FCRLB: variants seen among roughly 807,000 people sequenced by gnomAD.
FCRLB encodes Fc receptor like B, also known as Fc receptor-like B.
Under a neutral mutation model 33.6 loss-of-function variants are expected in FCRLB, and 34 were observed. That is an observed-to-expected ratio of 1.01 (90% CI 0.77 to 1.35). The LOEUF (loss-of-function observed/expected upper bound fraction) is 1.35, where lower values mean the gene tolerates loss of function less well. Ranked by LOEUF, FCRLB falls within the 40% of genes most tolerant of loss-of-function variation. FCRLB has a pLI of 0.00. For missense variants in FCRLB, 560 were observed against 580.2 expected, an observed-to-expected ratio of 0.97 and a Z score of 0.36; for synonymous variants, 280 against 255.9, an observed-to-expected ratio of 1.09 and a Z score of -0.90.
rs1359071731 is a variant in FCRLB at position 161,727,546 on chromosome 1, G to A, written c.1165G>A (p.Val389Ile). The A allele has an allele frequency of 1.9e-6, 3 of 1,614,198 alleles. No individual in the cohort carries two copies. In the South Asian group the frequency reaches 3.3e-5, roughly 18 times the overall value. The change falls in exon 8 of 8, where the codon GTC becomes ATC. Residue 389 changes from valine to isoleucine, a missense_variant. Coordinates refer to ENST00000367948, the Ensembl canonical transcript of FCRLB. ...GCTCAAAGGCCTTCTGAGCCGGGTG[G>A]TCCTGGAATTAAAGGAGCCACAGGC...
chr1:161,727,754 C>T, exon 8 of FCRLB: 1 of 1,432,316 alleles, frequency 7.0e-7, no homozygotes, highest in Non-Finnish European at 9.3e-7. Flanking sequence ...CTGTTTGCAT[C>T]CTTGTGTTTT....
Position 161,726,318 on chromosome 1 carries a change from T to A in FCRLB, c.574+231T>A. 1 of 815,092 alleles carries A rather than the reference T, an allele frequency of 1.2e-6. No homozygotes were observed. The highest frequency in any genetic ancestry group is 2.7e-5 in the East Asian group (1 of 37,246). 50.5% of individuals were successfully genotyped at this position (815,092 alleles called of 1,614,324 possible). A position where few individuals can be genotyped will look rare whatever the true frequency, so the allele number is the denominator to read the frequency against. On this transcript the variant is annotated intron_variant, in intron 6 of 7. Coordinates refer to ENST00000367948, the Ensembl canonical transcript of FCRLB. The surrounding 1 kb of genome is among the most constrained non-coding windows in gnomAD (Gnocchi z 5.2). ...GCACATCCTGGCTTCTCACTCTGGC[T>A]GGGGACTCCCACAGAGAGGGCAGCT...
At chr1:161,725,744 T>C in intron 5 of FCRLB, 77 bp from the exon 6 acceptor site, 1 of 1,510,628 alleles carries the variant, frequency 6.6e-7, no homozygotes, top group Admixed American at 2.1e-5. Flanking sequence ...AGGAGAAAGC[T>C]GGAAGGCTGT....
At chr1:161,727,064 G>C in intron 7 of FCRLB, 71 bp downstream of exon 7, 1 of 1,408,894 alleles carries the variant, frequency 7.1e-7, no homozygotes, top group Non-Finnish European at 9.2e-7. Flanking sequence ...CGGCACCCAC[G>C]AATCACCCCC....
In FCRLB at chr1:161,726,948, C is replaced by A. The variant is rs867232552; in HGVS notation, c.820C>A (p.Arg274Ser). 1 of 1,551,240 alleles carries A rather than the reference C, an allele frequency of 6.4e-7. No individual in the cohort carries two copies. Among genetic ancestry groups the A allele is most frequent in the Non-Finnish European group, 8.7e-7 (1 of 1,147,534 alleles). Residue 274 changes from arginine to serine, a missense_variant, in exon 7 of 8, where the codon CGC (arginine) becomes AGC (serine). Arg to Ser is a moderately radical substitution (Grantham distance 110). Transcript: ENST00000367948. The surrounding 1 kb of genome is among the most constrained non-coding windows in gnomAD (Gnocchi z 5.2). Reference sequence around the variant, plus strand: ...CTGGTGCGAGGCGGCTACCGCCACCCGCAGTGTCCGGAAACGCAGTCCGTG... The same window carrying A: ...CTGGTGCGAGGCGGCTACCGCCACCAGCAGTGTCCGGAAACGCAGTCCGTG...
Position 161,726,512 on chromosome 1 carries a change from C to CG in FCRLB, c.575-190dup. 1.2e-6 allele frequency: 1 copy of CG among 831,166 alleles called. No homozygotes were observed. The highest frequency in any genetic ancestry group is 1.4e-5 in the South Asian group (1 of 69,282). 51.5% of individuals were successfully genotyped at this position (831,166 alleles called of 1,614,324 possible). On this transcript the variant is annotated intron_variant, in intron 6 of 7. Coordinates refer to ENST00000367948, the Ensembl canonical transcript of FCRLB. The surrounding 1 kb of genome is among the most constrained non-coding windows in gnomAD (Gnocchi z 5.2). ...GTCCCTCTTCCTTTCAAGCTTTCCC[C>CG]GTCCCTCGTGGACTCGGTCCCCCTG... is the stretch of plus-strand genomic sequence containing the variant.
chr1:161,727,376 G>T (rs986101792), exon 8 of FCRLB: 27 of 1,613,580 alleles, frequency 1.7e-5, no homozygotes, highest in Non-Finnish European at 2.2e-5. Flanking sequence ...ACCTCCGTCC[G>T]GAACACCACC....
At chr1:161,727,169 CG>C in intron 7 of FCRLB, 77 bp from the exon 8 acceptor site, 8 of 1,445,454 alleles carry the variant, frequency 5.5e-6, no homozygotes, top group Non-Finnish European at 7.3e-6. Context: ...CCCCGCCCAC[CG>C]CCCTACGCCC....
rs753402437 is a variant in FCRLB, at chr1:161,726,794, C to A, written c.666C>A (p.Arg222=). The A allele has an allele frequency of 6.4e-7, 1 of 1,564,822 alleles. No individual in the cohort carries two copies. The highest frequency in any genetic ancestry group is 2.3e-5 in the East Asian group (1 of 42,852). The change falls in exon 7 of 8, where the codon CGC becomes CGA. Residue 222 remains arginine (R), a synonymous_variant. Coordinates refer to ENST00000367948, the Ensembl canonical transcript of FCRLB. The surrounding 1 kb of genome is among the most constrained non-coding windows in gnomAD (Gnocchi z 5.2). ...GGGTGGTGCTGCGCTGCGACACGCG[C>A]CTGCACCCGCAGAAGCGCGACACGC... is the stretch of plus-strand genomic sequence containing the variant.
At chr1:161,727,745 T>C in exon 8 of FCRLB, 2 of 1,451,174 alleles carry the variant, frequency 1.4e-6, no homozygotes, top group Non-Finnish European at 1.8e-6. Flanking sequence ...CAAAGCCATC[T>C]GTTTGCATCC....
At chr1:161,727,934 C>T (rs2101682237) in exon 8 of FCRLB, 1 of 420,048 alleles carries the variant, frequency 2.4e-6, no homozygotes, top group South Asian at 3.9e-5. Context: ...ATTTAGTCAC[C>T]CTTAGCCCTT....
chr1:161,725,442 A>G (rs1462281924), intron 5 of FCRLB, among the ~76,000 whole-genome samples: 3 of 152,142 alleles, frequency 2.0e-5, no homozygotes, highest in African/African-American at 7.2e-5. Context: ...GGAGTTCAAG[A>G]CCAGCCTGGC....
chr1:161,724,758 T>G (rs1288428021), intron 5 of FCRLB, among the ~76,000 whole-genome samples: 1 of 152,194 alleles, frequency 6.6e-6, no homozygotes, highest in Non-Finnish European at 1.5e-5. Context: ...CTTGCAGGAT[T>G]CTTTCTCAAT....
intron 5 of FCRLB, 86 bp downstream of exon 5, chr1:161,723,707 T>A: frequency 6.5e-7 from 1 of 1,544,800 alleles, no homozygotes; most frequent in Non-Finnish European, 8.7e-7. Flanking sequence ...ACTGGGCCAA[T>A]CCCAAGGTGC....
rs775708600 is a variant in FCRLB, at chr1:161,726,239, C to G, written c.574+152C>G. On this transcript the variant is annotated intron_variant, in intron 6 of 7. Transcript: ENST00000367948. The surrounding 1 kb of genome is among the most constrained non-coding windows in gnomAD (Gnocchi z 5.2). ...ATGGACGCTGTCTCCTCTCCTTTGC[C>G]GTGAAGCAGCGCTTGATCCGCCGCC... 5 of 1,307,656 alleles carry G rather than the reference C, an allele frequency of 3.8e-6. No individual in the cohort carries two copies. Among genetic ancestry groups the G allele is most frequent in the South Asian group, 1.2e-5 (1 of 80,170 alleles). 81.0% of individuals were successfully genotyped at this position (1,307,656 alleles called of 1,614,324 possible).
At chr1:161,723,543 G>A in exon 5 of FCRLB, 1 of 1,614,172 alleles carries the variant, frequency 6.2e-7, no homozygotes, top group Non-Finnish European at 8.5e-7. Flanking sequence ...GAGCATTGAG[G>A]TGCAGACACC....
Position 161,726,561 on chromosome 1 carries a change from T to C in FCRLB, c.575-142T>C, listed in dbSNP as rs1317112614. The C allele has an allele frequency of 3.4e-6, 4 of 1,184,804 alleles. No homozygotes were observed. The highest frequency in any genetic ancestry group is 4.8e-6 in the Non-Finnish European group (4 of 827,366). The allele number at this position is 1,184,804 out of a possible 1,614,324, so 73.4% of individuals were successfully genotyped here. ...TGCCCCACATTTCAGAAGGCTCCCC[T>C]TCCCCCTCCACGTGGACACACGGCC... On this transcript the variant is annotated intron_variant, in intron 6 of 7. Coordinates refer to ENST00000367948, the Ensembl canonical transcript of FCRLB. The surrounding 1 kb of genome is among the most constrained non-coding windows in gnomAD (Gnocchi z 5.2).
At chr1:161,724,603 G>C (rs1283979231) in intron 5 of FCRLB, among the ~76,000 whole-genome samples, 1 of 152,088 alleles carries the variant, frequency 6.6e-6, no homozygotes, top group Non-Finnish European at 1.5e-5. Context: ...ATCACTCAAT[G>C]TTCAGATTAG....
intron 2 of FCRLB, among the ~76,000 whole-genome samples, 186 bp from the exon 3 acceptor site, chr1:161,722,467 G>A (rs777975623): frequency 2.6e-5 from 4 of 152,238 alleles, no homozygotes; most frequent in Non-Finnish European, 5.9e-5. Context: ...CGGTAGATGA[G>A]ACAGTGCCTG....
Sources: gnomAD v4.1 joint callset for allele counts (sites outside exome capture counted in the v4.1 genomes callset) on GRCh38, gnomAD v4.1.1 for gene constraint, Gnocchi (gnomAD v3.1) non-coding constraint, MANE v1.5 for transcripts, NCBI Gene and HGNC (gene_info 2026-07-23, HGNC 2026-07-21) for gene names.